CLTC: variants seen among roughly 807,000 people sequenced by gnomAD.
CLTC encodes clathrin heavy chain 1.
In CLTC, 16 loss-of-function variants were observed where a neutral mutation model predicts 195.8. The observed-to-expected ratio is 0.08, with a 90% CI of 0.06 to 0.12. The LOEUF (loss-of-function observed/expected upper bound fraction) is 0.12, where lower values mean the gene tolerates loss of function less well. Among genes scored for constraint, CLTC ranks in the 10% least tolerant of loss-of-function variants. The pLI is 1.00. For missense variants in CLTC, 796 were observed against 2,027.0 expected, an observed-to-expected ratio of 0.39 and a Z score of 11.66; for synonymous variants, 667 against 689.4, an observed-to-expected ratio of 0.97 and a Z score of 0.51.
chr17:59,669,598 T>A (rs2032801524), intron 14 of CLTC, among the ~76,000 whole-genome samples: 1 of 152,184 alleles, frequency 6.6e-6, no homozygotes, highest in Admixed American at 6.5e-5. Context: ...TTTATTCTTG[T>A]AACTGCCAGT....
At chr17:59,680,003 C>T (rs142150000) in intron 18 of CLTC, among the ~76,000 whole-genome samples, 2,350 of 151,948 alleles carry the variant, frequency 0.015, 18 homozygotes, top group Non-Finnish European at 0.024. Context: ...GCCGAGATCA[C>T]GCCATTGCAC....
chr17:59,624,560 C>T (rs1442843650), intron 1 of CLTC, among the ~76,000 whole-genome samples: 1 of 149,852 alleles, frequency 6.7e-6, no homozygotes, highest in Non-Finnish European at 1.5e-5. Flanking sequence ...CCTCCACCTG[C>T]CAGGTTCAAG....
chr17:59,665,724 C>T (rs2032714639), intron 10 of CLTC, among the ~76,000 whole-genome samples: 1 of 151,978 alleles, frequency 6.6e-6, no homozygotes, highest in Admixed American at 6.6e-5. Flanking sequence ...GCCTGTAATC[C>T]CAGCTACTCA....
intron 14 of CLTC, among the ~76,000 whole-genome samples, chr17:59,672,827 C>T (rs2032882819): frequency 6.6e-6 from 1 of 152,112 alleles, no homozygotes; most frequent in South Asian, 2.1e-4. Context: ...CTTAGTTCTG[C>T]TTCCCTAGTA....
chr17:59,660,369 C>T, intron 6 of CLTC, 22 bp from the exon 7 acceptor site: 1 of 1,603,836 alleles, frequency 6.2e-7, no homozygotes, highest in Non-Finnish European at 8.5e-7. Flanking sequence ...ATTGCAGCTA[C>T]ATTTTATTCT....
chr17:59,660,845 A>G (rs1213168788), intron 7 of CLTC, among the ~76,000 whole-genome samples: 1 of 152,218 alleles, frequency 6.6e-6, no homozygotes, highest in African/African-American at 2.4e-5. Context: ...ACATAGATGT[A>G]GTAATGTTTA....
chr17:59,685,881 T>C lies in CLTC; in HGVS notation c.4827+73T>C. ...AATTCTACATGCACATTAATTTTTT[T>C]AAATGCTTTTTTCTTTAGTAGAAGT... On this transcript the variant is annotated intron_variant, in intron 30 of 31. Transcript: ENST00000269122. The surrounding 1 kb of genome is among the most constrained non-coding windows in gnomAD (Gnocchi z 5.0). 1 of 1,168,172 alleles carries C rather than the reference T, an allele frequency of 8.6e-7. No individual in the cohort carries two copies. The highest frequency in any genetic ancestry group is 1.2e-6 in the Non-Finnish European group (1 of 823,050). 72.4% of individuals were successfully genotyped at this position (1,168,172 alleles called of 1,614,324 possible).
intron 18 of CLTC, among the ~76,000 whole-genome samples, chr17:59,680,177 CACTT>C (rs1257690876): frequency 1.5e-4 from 23 of 152,228 alleles, no homozygotes; most frequent in Admixed American, 1.5e-3. Flanking sequence ...CTATTATTAA[CACTT>C]AAGTGGCTAA....
At position 59,681,926 on chromosome 17, in the gene CLTC, G is replaced by A. The variant is rs2033090128; in HGVS notation, c.3442+87G>A. 1.7e-6 allele frequency: 2 copies of A among 1,176,552 alleles called. No homozygotes were observed. The highest frequency in any genetic ancestry group is 3.1e-5 in the South Asian group (2 of 64,932). The allele number at this position is 1,176,552 out of a possible 1,614,324, so 72.9% of individuals were successfully genotyped here. A position where few individuals can be genotyped will look rare whatever the true frequency, so the allele number is the denominator to read the frequency against. On this transcript the variant is annotated intron_variant, in intron 21 of 31. Coordinates refer to ENST00000269122, the MANE Select transcript of CLTC (RefSeq NM_004859.4). This position sits in a 1 kb window ranked among gnomAD's most constrained non-coding sequence, Gnocchi z 5.0. The stretch of plus-strand genomic sequence containing the variant: ...TCTGTCTATTCTGAATTTTAGAAGA[G>A]TTGGATACTGCATGGTTTCTTTTAG...
At chr17:59,643,183 G>A (rs1054394250) in intron 1 of CLTC, among the ~76,000 whole-genome samples, 35 of 143,762 alleles carry the variant, frequency 2.4e-4, no homozygotes, top group African/African-American at 6.5e-4. Context: ...TGTACCATGC[G>A]AATTTATTAT....
Position 59,661,507 on chromosome 17 carries a change from C to T in CLTC, c.1232C>T (p.Thr411Ile). ...FQSVPAQPGQ[T>I]SPLLQYFGIL... The stretch of plus-strand genomic sequence containing the variant: ...AGTGTCCCAGCCCAGCCAGGTCAAA[C>T]TTCTCCTCTACTTCAGTACTTTGGT... Residue 411 changes from threonine (T) to isoleucine (I), a missense_variant, in exon 8 of 32, where the codon ACT (threonine) becomes ATT (isoleucine). Thr to Ile is a moderately conservative substitution (Grantham distance 89, BLOSUM62 -1). Around this residue, in one of 9 missense-constraint regions of CLTC, gnomAD observed 293 missense variants for 795.6 expected, o/e 0.37. Transcript: ENST00000269122. 6.2e-7 allele frequency: 1 copy of T among 1,614,154 alleles called. No homozygotes were observed. Among genetic ancestry groups the T allele is most frequent in the Non-Finnish European group, 8.5e-7 (1 of 1,179,984 alleles).
intron 28 of CLTC, 70 bp from the exon 29 acceptor site, chr17:59,684,986 T>A (rs2033151797): frequency 7.9e-7 from 1 of 1,259,130 alleles, no homozygotes; most frequent in South Asian, 1.8e-5. Context: ...AAGGGGCTCA[T>A]TGATTGAGAA....
At chr17:59,629,981 A>C (rs540749414) in intron 1 of CLTC, among the ~76,000 whole-genome samples, 8 of 152,308 alleles carry the variant, frequency 5.3e-5, no homozygotes, top group Non-Finnish European at 4.4e-5. Context: ...TCAAAAATGC[A>C]TATGCAGAGT....
rs367622498 is a variant in CLTC at position 59,695,238 on chromosome 17, T to G, written c.*1386T>G. 7.9e-4 allele frequency: 156 copies of G among 198,076 alleles called. No homozygotes were observed. Among genetic ancestry groups the G allele is most frequent in the African/African-American group, 3.4e-3 (146 of 43,472 alleles). The allele number at this position is 198,076 out of a possible 1,614,324, so 12.3% of individuals were successfully genotyped here. A position where few individuals can be genotyped will look rare whatever the true frequency, so the allele number is the denominator to read the frequency against. ...GGCTGAGAATGTTCCTAAAGTTCAT[T>G]TCACTATCCCTTAATCCTCAATAGC... On this transcript the variant is annotated 3_prime_UTR_variant, in exon 32 of 32. Coordinates refer to ENST00000269122, the MANE Select transcript of CLTC (RefSeq NM_004859.4).
At chr17:59,690,591 A>G (rs2033273767) in intron 30 of CLTC, 45 bp from the exon 31 acceptor site, 2 of 1,397,500 alleles carry the variant, frequency 1.4e-6, no homozygotes, top group Non-Finnish European at 1.0e-6. Context: ...ACCTAGGTTT[A>G]TAATACTTTT....
At chr17:59,640,295 A>G (rs1598208505) in intron 1 of CLTC, among the ~76,000 whole-genome samples, 1 of 152,150 alleles carries the variant, frequency 6.6e-6, no homozygotes, top group Admixed American at 6.5e-5. Context: ...TGTTCTAGAC[A>G]TTCTCACTCA....
chr17:59,647,376 TA>T (rs2032223581), intron 2 of CLTC, 21 bp from the exon 3 acceptor site: 5 of 1,583,210 alleles, frequency 3.2e-6, no homozygotes, highest in Non-Finnish European at 4.3e-6. Flanking sequence ...TAATGATTTA[TA>T]ATTCTTGATT....
At chr17:59,660,740 A>G (rs556014659) in intron 7 of CLTC, 152 bp downstream of exon 7, 37 of 746,310 alleles carry the variant, frequency 5.0e-5, no homozygotes, top group African/African-American at 1.6e-4. Context: ...TTCCTTGTCA[A>G]TGCCTCTAGA....
At position 59,644,416 on chromosome 17, in the gene CLTC, A is replaced by T; in HGVS notation, c.183A>T (p.Pro61=). 6.2e-7 allele frequency: 1 copy of T among 1,614,182 alleles called. No individual in the cohort carries two copies. Among genetic ancestry groups the T allele is most frequent in the South Asian group, 1.1e-5 (1 of 91,084 alleles). ...VIIDMNDPSN[P]IRRPISADSA... ...TTGATATGAATGACCCAAGTAATCC[A>T]ATTCGAAGACCAATTTCAGCAGACA... Residue 61 remains proline (P), a synonymous_variant, in exon 2 of 32, where the codon CCA becomes CCT. Transcript: ENST00000269122.
Sources: gnomAD v4.1 joint callset for allele counts (sites outside exome capture counted in the v4.1 genomes callset) on GRCh38, gnomAD v4.1.1 for gene constraint, gnomAD v4.1.1 regional missense constraint, Gnocchi (gnomAD v3.1) non-coding constraint, MANE v1.5 for transcripts, NCBI Gene and HGNC (gene_info 2026-07-23, HGNC 2026-07-21) for gene names.